The following ADCY8 variants were observed in gnomAD, a reference collection of about 807,000 sequenced individuals.
ADCY8 encodes the protein adenylate cyclase 8.
In ADCY8, 51 loss-of-function variants were observed where a neutral mutation model predicts 119.7. That is an observed-to-expected ratio of 0.43 (90% confidence interval 0.34 to 0.54). The LOEUF is 0.54. Among genes scored for constraint, ADCY8 ranks in the 20% least tolerant of loss-of-function variants. The pLI is 0.03. For synonymous variants in ADCY8, 665 were observed against 651.0 expected, an observed-to-expected ratio of 1.02 and a Z score of -0.33; for missense variants, 1,383 against 1,598.8, an observed-to-expected ratio of 0.87 and a Z score of 2.30.
At chr8:130,921,718 G>A (rs1488847834) in intron 5 of ADCY8, among the ~76,000 whole-genome samples, 6 of 152,104 alleles carry the variant, frequency 3.9e-5, no homozygotes, top group Admixed American at 3.9e-4. Flanking sequence ...CTCCCAAAGT[G>A]CTGGGATTAC....
At chr8:131,027,948 C>T (rs147994760) in intron 1 of ADCY8, among the ~76,000 whole-genome samples, 7 of 152,282 alleles carry the variant, frequency 4.6e-5, no homozygotes, top group African/African-American at 1.7e-4. Flanking sequence ...TTAACAGTGA[C>T]CCAGATGCCA....
At chr8:130,896,443 T>C (rs1225533273) in intron 7 of ADCY8, among the ~76,000 whole-genome samples, 2 of 152,104 alleles carry the variant, frequency 1.3e-5, no homozygotes, top group Non-Finnish European at 2.9e-5. Flanking sequence ...CGCCTTCATA[T>C]TCACAAAAAA....
chr8:130,909,644 C>T (rs1476412656), intron 6 of ADCY8, 64 bp downstream of exon 6: 16 of 1,586,608 alleles, frequency 1.0e-5, no homozygotes, highest in Non-Finnish European at 1.3e-5. Flanking sequence ...ACACAGGAAA[C>T]CCACTGTCAC....
intron 14 of ADCY8, among the ~76,000 whole-genome samples, chr8:130,800,967 G>A (rs1815758304): frequency 6.6e-6 from 1 of 152,158 alleles, no homozygotes; most frequent in Non-Finnish European, 1.5e-5. Flanking sequence ...ATCCCATCCA[G>A]TAGGGGTTTT....
intron 7 of ADCY8, among the ~76,000 whole-genome samples, chr8:130,897,795 C>T (rs1386073597): frequency 1.2e-5 from 1 of 84,334 alleles, no homozygotes; most frequent in Admixed American, 1.2e-4. Context: ...ATCTCACACA[C>T]ACCATACCAC....
At chr8:130,959,968 T>G (rs1445474931) in intron 2 of ADCY8, among the ~76,000 whole-genome samples, 1 of 152,158 alleles carries the variant, frequency 6.6e-6, no homozygotes, top group Non-Finnish European at 1.5e-5. Context: ...ACATTTAGAT[T>G]TTTTTCAACA....
intron 12 of ADCY8, among the ~76,000 whole-genome samples, chr8:130,833,974 T>C (rs959055524): frequency 1.3e-5 from 2 of 152,128 alleles, no homozygotes; most frequent in Admixed American, 6.6e-5. Flanking sequence ...AAGAGATCGA[T>C]TGTAAAACAT....
intron 12 of ADCY8, among the ~76,000 whole-genome samples, chr8:130,833,821 A>G (rs1345954692): frequency 6.6e-6 from 1 of 152,206 alleles, no homozygotes; most frequent in Non-Finnish European, 1.5e-5. Context: ...TCATTTATAT[A>G]TGGAGTCTAA....
At chr8:130,803,111 C>A (rs758163843) in intron 14 of ADCY8, among the ~76,000 whole-genome samples, 1 of 152,218 alleles carries the variant, frequency 6.6e-6, no homozygotes, top group Non-Finnish European at 1.5e-5. Flanking sequence ...AGGTTTGCTT[C>A]TGGAAGAACC....
chr8:130,963,100 C>A (rs1156343572), intron 2 of ADCY8, among the ~76,000 whole-genome samples: 1 of 150,688 alleles, frequency 6.6e-6, no homozygotes, highest in African/African-American at 2.4e-5. Context: ...GACCCAAGCC[C>A]GTGTTTTTCT....
At chr8:130,883,572 C>A (rs894771164) in intron 8 of ADCY8, among the ~76,000 whole-genome samples, 1 of 152,138 alleles carries the variant, frequency 6.6e-6, no homozygotes, top group Non-Finnish European at 1.5e-5. Flanking sequence ...AAGCAAATCT[C>A]CCAGGCAGCT....
At chr8:130,931,011 A>G (rs1820614469) in intron 5 of ADCY8, among the ~76,000 whole-genome samples, 1 of 152,080 alleles carries the variant, frequency 6.6e-6, no homozygotes, top group Non-Finnish European at 1.5e-5. Flanking sequence ...TCTGAATTTT[A>G]CTTTGTACTT....
intron 1 of ADCY8, among the ~76,000 whole-genome samples, chr8:131,011,038 G>A (rs897291224): frequency 6.6e-6 from 1 of 152,106 alleles, no homozygotes; most frequent in Non-Finnish European, 1.5e-5. Flanking sequence ...CATAACACAT[G>A]AAACAGATGT....
At chr8:130,961,403 T>C (rs6987081) in intron 2 of ADCY8, among the ~76,000 whole-genome samples, 121,762 of 151,958 alleles carry the variant, frequency 0.8, 51,440 homozygotes, top group East Asian at 0.95. Flanking sequence ...AGCTACTGTC[T>C]AATCACTTTC....
chr8:130,802,581 G>A (rs1250214410), intron 14 of ADCY8, among the ~76,000 whole-genome samples: 1 of 152,152 alleles, frequency 6.6e-6, no homozygotes. Context: ...ATATATGCAT[G>A]CCCCTGCCTC....
chr8:130,803,446 A>C (rs1815845194), intron 14 of ADCY8, among the ~76,000 whole-genome samples: 2 of 152,118 alleles, frequency 1.3e-5, no homozygotes, highest in African/African-American at 4.8e-5. Flanking sequence ...ATCTTATTGC[A>C]CTCCAATTAT....
At chr8:130,797,283 T>C (rs1410756752) in intron 15 of ADCY8, among the ~76,000 whole-genome samples, 1 of 152,214 alleles carries the variant, frequency 6.6e-6, no homozygotes, top group Non-Finnish European at 1.5e-5. Flanking sequence ...GTGTATTTTA[T>C]AGGTAGCCCA....
chr8:130,849,708 A>G lies in ADCY8; in HGVS notation c.2306T>C (p.Leu769Pro), dbSNP rs577123573. 6.8e-5 allele frequency: 110 copies of G among 1,614,028 alleles called. 2 individuals are homozygous for G. The East Asian group carries it at 2.4e-3, about 36-fold the overall frequency. Reference protein sequence around the residue: ...TTAEDYKCLPLILRKTCCWIN... With the variant: ...TTAEDYKCLPPILRKTCCWIN... ...CCAACAGCAAGTTTTCCGGAGGATG[A>G]GGGGCAAACATTTATAATCCTCTGC... is the stretch of plus-strand genomic sequence containing the variant. Residue 769 changes from leucine (L) to proline (P), a missense_variant, in exon 10 of 18, where the codon CTC becomes CCC. This residue lies in a region of ADCY8 where 928 missense variants were observed against 1,163.5 expected (regional missense o/e 0.80). Coordinates refer to ENST00000286355, the MANE Select transcript of ADCY8 (RefSeq NM_001115.3).
chr8:130,865,871 T>G (rs1253652803), intron 9 of ADCY8, among the ~76,000 whole-genome samples: 1 of 152,276 alleles, frequency 6.6e-6, no homozygotes, highest in South Asian at 2.1e-4. Flanking sequence ...TCATAGTGTC[T>G]TGATGGTTCC....
Sources: allele counts gnomAD v4.1 joint callset (sites outside exome capture counted in the v4.1 genomes callset), GRCh38; gene constraint gnomAD v4.1.1; regional missense constraint gnomAD v4.1.1; transcripts MANE v1.5; gene names NCBI Gene and HGNC (gene_info 2026-07-23, HGNC 2026-07-21).